TRAPPC9: variants seen among roughly 807,000 people sequenced by gnomAD.
The protein encoded by TRAPPC9 is IKK2 binding protein.
A neutral mutation model predicts 124.0 loss-of-function variants in TRAPPC9; 83 were observed. The observed-to-expected ratio is 0.67, with a 90% CI of 0.56 to 0.80. The LOEUF (loss-of-function observed/expected upper bound fraction) is 0.80. TRAPPC9 is among the 30% of genes least tolerant of loss of function. The pLI is 0.00. For synonymous variants in TRAPPC9, 638 were observed against 617.5 expected (o/e 1.03, Z -0.49); for missense variants, 1,302 against 1,508.3 (o/e 0.86, Z 2.27).
intron 17 of TRAPPC9, among the ~76,000 whole-genome samples, chr8:140,055,076 G>C (rs752135378): frequency 2.6e-5 from 4 of 152,094 alleles, no homozygotes; most frequent in Non-Finnish European, 5.9e-5. Flanking sequence ...CCCAAAGCTA[G>C]ACAAGAACCT....
At chr8:140,027,588 C>A (rs902274183) in intron 17 of TRAPPC9, among the ~76,000 whole-genome samples, 15 of 152,048 alleles carry the variant, frequency 9.9e-5, no homozygotes, top group Middle Eastern at 3.4e-3. Flanking sequence ...TAGAAAACCA[C>A]AAAAAAGATA....
At chr8:140,277,606 C>T (rs1167775745) in intron 14 of TRAPPC9, among the ~76,000 whole-genome samples, 2 of 152,246 alleles carry the variant, frequency 1.3e-5, no homozygotes, top group Non-Finnish European at 2.9e-5. Flanking sequence ...CAGGCCCTGA[C>T]GGTCCCAGCT....
At chr8:139,895,640 C>A (rs527904752) in intron 20 of TRAPPC9, among the ~76,000 whole-genome samples, 2 of 152,198 alleles carry the variant, frequency 1.3e-5, no homozygotes, top group Non-Finnish European at 2.9e-5. Flanking sequence ...TGAGAGTTCA[C>A]TATGGGCCTG....
intron 21 of TRAPPC9, among the ~76,000 whole-genome samples, chr8:139,750,292 A>AT (rs1819226476): frequency 6.6e-6 from 1 of 152,098 alleles, no homozygotes; most frequent in African/African-American, 2.4e-5. Context: ...TATGGCAGCC[A>AT]CCCTGAGAAT....
Position 139,742,030 on chromosome 8 carries a change from T to A in TRAPPC9, c.3056-9828A>T, listed in dbSNP as rs1818594208. Among the ~76,000 whole-genome samples, 1 of 152,234 alleles carries A rather than the reference T, an allele frequency of 6.6e-6. No individual in the cohort carries two copies. ...CACAGGTTATTATTTCTCATGGGTGTACACCTGACAGCAGACTTGCTGGGT... is the reference window on the plus strand; with the variant it reads ...CACAGGTTATTATTTCTCATGGGTGAACACCTGACAGCAGACTTGCTGGGT... On this transcript the variant is annotated intron_variant, in intron 21 of 22. Coordinates refer to ENST00000438773, the MANE Select transcript of TRAPPC9 (RefSeq NM_001160372.4). This position sits in a 1 kb window ranked among gnomAD's most constrained non-coding sequence, Gnocchi z 4.7.
chr8:140,397,885 G>C, intron 6 of TRAPPC9, 140 bp from the exon 7 acceptor site: 3 of 1,110,516 alleles, frequency 2.7e-6, no homozygotes, highest in Non-Finnish European at 2.7e-6. Flanking sequence ...TCCTGATATG[G>C]TTTGGTTCTG....
intron 21 of TRAPPC9, among the ~76,000 whole-genome samples, chr8:139,867,662 C>A (rs1204569464): frequency 1.3e-5 from 2 of 152,188 alleles, no homozygotes; most frequent in Non-Finnish European, 2.9e-5. Context: ...TTGTGACATT[C>A]CTGCCAAAAA....
At chr8:140,263,039 TC>T (rs1488056815) in intron 15 of TRAPPC9, among the ~76,000 whole-genome samples, 1 of 152,122 alleles carries the variant, frequency 6.6e-6, no homozygotes, top group Non-Finnish European at 1.5e-5. Context: ...CATTCTGCAC[TC>T]CCCAGGGCAG....
At chr8:140,264,231 G>A (rs62527497) in intron 15 of TRAPPC9, among the ~76,000 whole-genome samples, 4,159 of 152,234 alleles carry the variant, frequency 0.027, 83 homozygotes, top group African/African-American at 0.055. Context: ...AGAATTGCAC[G>A]AGTAACAGGT....
intron 21 of TRAPPC9, among the ~76,000 whole-genome samples, chr8:139,748,230 G>T (rs71514635): frequency 2.5e-4 from 16 of 63,660 alleles, no homozygotes; most frequent in South Asian, 1.4e-3. Context: ...GATGCAGGGG[G>T]TATACACAGC....
At chr8:140,404,696 ATG>A (rs1227984710) in intron 6 of TRAPPC9, among the ~76,000 whole-genome samples, 1 of 151,608 alleles carries the variant, frequency 6.6e-6, no homozygotes, top group African/African-American at 2.4e-5. Context: ...GTGTACGTGC[ATG>A]TGTGCGCACA....
At chr8:140,138,049 C>T (rs992111082) in intron 17 of TRAPPC9, among the ~76,000 whole-genome samples, 5 of 152,124 alleles carry the variant, frequency 3.3e-5, no homozygotes, top group African/African-American at 1.2e-4. Context: ...GCCTGTAATC[C>T]CAACACTTGG....
At chr8:140,419,428 CAAAAAAAAAAAA>C (rs61155157) in intron 5 of TRAPPC9, among the ~76,000 whole-genome samples, 1 of 79,590 alleles carries the variant, frequency 1.3e-5, no homozygotes, top group Non-Finnish European at 2.4e-5. Flanking sequence ...GACTCCGTCT[CAAAAAAAAAAAA>C]AAAAAAAAAA....
chr8:140,264,214 G>A (rs1387652896), intron 15 of TRAPPC9, among the ~76,000 whole-genome samples: 2 of 152,132 alleles, frequency 1.3e-5, no homozygotes, highest in Non-Finnish European at 2.9e-5. Context: ...GAACCCCTCG[G>A]GTCCTGAGAA....
intron 17 of TRAPPC9, among the ~76,000 whole-genome samples, chr8:140,045,649 A>AAAAC (rs1841546071): frequency 1.4e-5 from 2 of 144,072 alleles, no homozygotes; most frequent in Non-Finnish European, 3.0e-5. Flanking sequence ...AAAAAAAAAA[A>AAAAC]AAAAAAAAAA....
At chr8:139,914,401 C>T (rs1205553515) in intron 19 of TRAPPC9, among the ~76,000 whole-genome samples, 1 of 152,234 alleles carries the variant, frequency 6.6e-6, no homozygotes, top group African/African-American at 2.4e-5. Context: ...AGTCATCTTC[C>T]AGAGAGGAAG....
At chr8:140,131,560 G>A (rs2061209045) in intron 17 of TRAPPC9, among the ~76,000 whole-genome samples, 5 of 152,214 alleles carry the variant, frequency 3.3e-5, no homozygotes, top group Non-Finnish European at 1.5e-5. Context: ...CTGCCAAGGG[G>A]TGCGGCTCTG....
In TRAPPC9 at chr8:140,137,456, G is replaced by A. The variant is rs115023025; in HGVS notation, c.2556+84003C>T. ...TCCAAAGTCCAGATCACTCTGGAGC[G>A]GGTAGTGAGCTTTCCACGGCAGATA... On this transcript the variant is annotated intron_variant, in intron 17 of 22. Transcript: ENST00000438773. Among the ~76,000 whole-genome samples the A allele has an allele frequency of 1.7e-3, 265 of 152,280 alleles. 1 individual carries two copies. Among genetic ancestry groups the A allele is most frequent in the African/African-American group, 5.9e-3 (247 of 41,566 alleles).
At chr8:140,120,416 T>G (rs1332412930) in intron 17 of TRAPPC9, among the ~76,000 whole-genome samples, 1 of 152,238 alleles carries the variant, frequency 6.6e-6, no homozygotes, top group African/African-American at 2.4e-5. Flanking sequence ...TAATACAATA[T>G]AGAGTGCTTC....
Sources: allele counts gnomAD v4.1 joint callset (sites outside exome capture counted in the v4.1 genomes callset), GRCh38; gene constraint gnomAD v4.1.1; non-coding constraint Gnocchi (gnomAD v3.1); transcripts MANE v1.5; gene names NCBI Gene and HGNC (gene_info 2026-07-23, HGNC 2026-07-21).